SOX5: variants seen among roughly 807,000 people sequenced by gnomAD.
The protein encoded by SOX5 is transcription factor SOX-5.
In SOX5, 9 loss-of-function variants were observed where a neutral mutation model predicts 92.0. The observed-to-expected ratio is 0.10, with a 90% CI of 0.06 to 0.17. The LOEUF is 0.17. Among genes scored for constraint, SOX5 ranks in the 10% least tolerant of loss-of-function variants. The probability of loss-of-function intolerance (pLI) is 1.00; values close to 1 mark genes in which losing one functional copy is unlikely to be tolerated. For missense variants in SOX5, 642 were observed against 944.5 expected (o/e 0.68, Z 4.20); for synonymous variants, 344 against 336.3 (o/e 1.02, Z -0.25).
chr12:24,299,143 T>C (rs1371127671), intron 2 of SOX5, among the ~76,000 whole-genome samples: 1 of 152,190 alleles, frequency 6.6e-6, no homozygotes, highest in Non-Finnish European at 1.5e-5. Context: ...AGAGCTACAA[T>C]GTTAACTCTT....
chr12:23,811,308 C>A (rs747282031), intron 3 of SOX5, among the ~76,000 whole-genome samples: 29 of 152,178 alleles, frequency 1.9e-4, no homozygotes, highest in Admixed American at 7.2e-4. Flanking sequence ...AAAATATGTT[C>A]CCAGATTGCA....
chr12:23,649,583 CA>C (rs2081297575), intron 7 of SOX5, among the ~76,000 whole-genome samples: 1 of 152,024 alleles, frequency 6.6e-6, no homozygotes, highest in East Asian at 1.9e-4. Flanking sequence ...CAAGACCAAG[CA>C]TGGAAATTCT....
chr12:23,710,411 C>T (rs1416540397), intron 6 of SOX5, among the ~76,000 whole-genome samples: 5 of 152,052 alleles, frequency 3.3e-5, no homozygotes, highest in African/African-American at 4.8e-5. Context: ...CCACAACAGG[C>T]CCCGGTGTGT....
chr12:23,787,225 CA>C (rs2095396405), intron 3 of SOX5, among the ~76,000 whole-genome samples: 1 of 151,888 alleles, frequency 6.6e-6, no homozygotes, highest in Non-Finnish European at 1.5e-5. Context: ...ACTGATAAAA[CA>C]AGCATTTAGG....
Position 24,142,201 on chromosome 12 carries a change from G to A in SOX5, c.-2+71142C>T, listed in dbSNP as rs535254885. On this transcript the variant is annotated intron_variant, in intron 4 of 4. Transcript: ENST00000446891. ...CAGGTGCTCACTAGTATGGGGTAGA[G>A]AGAAAAGAAACCAAGGAGATTGGGG... is the stretch of plus-strand genomic sequence containing the variant. Among the ~76,000 whole-genome samples, 38 of 152,246 alleles carry A rather than the reference G, an allele frequency of 2.5e-4. 1 individual carries two copies. In the South Asian group the frequency reaches 7.3e-3, roughly 29 times the overall value.
intron 3 of SOX5, among the ~76,000 whole-genome samples, chr12:24,261,973 A>G (rs1228115994): frequency 1.3e-5 from 2 of 152,216 alleles, no homozygotes; most frequent in African/African-American, 4.8e-5. Context: ...TGGTAAATAT[A>G]TTCCATAAAT....
chr12:23,578,160 C>CAAAAAAA, intron 9 of SOX5, among the ~76,000 whole-genome samples: 1 of 86,532 alleles, frequency 1.2e-5, no homozygotes, highest in African/African-American at 4.2e-5. Context: ...ACTATAGGGG[C>CAAAAAAA]AATATTATCC....
intron 4 of SOX5, among the ~76,000 whole-genome samples, chr12:24,042,864 G>T (rs12300845): frequency 0.043 from 6,510 of 152,176 alleles, 191 homozygotes; most frequent in Middle Eastern, 0.085. Flanking sequence ...GCTGGCATTT[G>T]CAATTCCTTA....
intron 7 of SOX5, among the ~76,000 whole-genome samples, chr12:23,644,504 G>A (rs1233036461): frequency 6.6e-6 from 1 of 152,196 alleles, no homozygotes; most frequent in African/African-American, 2.4e-5. Flanking sequence ...ATTTGTATGT[G>A]TATTAGAGTT....
At chr12:23,737,772 C>T (rs781225877) in intron 5 of SOX5, among the ~76,000 whole-genome samples, 7 of 152,146 alleles carry the variant, frequency 4.6e-5, no homozygotes, top group African/African-American at 7.2e-5. Context: ...GATATTCCTG[C>T]TTCTGGGCCT....
At chr12:23,998,124 C>G (rs913193089) in intron 4 of SOX5, among the ~76,000 whole-genome samples, 1 of 152,068 alleles carries the variant, frequency 6.6e-6, no homozygotes, top group African/African-American at 2.4e-5. Flanking sequence ...AGGTGTCAGA[C>G]TTGCCTAACA....
intron 3 of SOX5, among the ~76,000 whole-genome samples, chr12:24,265,758 C>A (rs553772033): frequency 4.7e-4 from 71 of 152,282 alleles, no homozygotes; most frequent in African/African-American, 1.7e-3. Context: ...TTGTTCTATG[C>A]ATGCATGTGC....
At chr12:24,095,993 A>G in intron 4 of SOX5, among the ~76,000 whole-genome samples, 1 of 152,194 alleles carries the variant, frequency 6.6e-6, no homozygotes, top group East Asian at 1.9e-4. Flanking sequence ...ATGAAAATGG[A>G]CTAATACAAA....
chr12:24,508,271 T>C (rs1045121047), intron 1 of SOX5, among the ~76,000 whole-genome samples: 1 of 151,786 alleles, frequency 6.6e-6, no homozygotes, highest in Non-Finnish European at 1.5e-5. Context: ...AGAAGCTCAG[T>C]GAGAAGCCTA....
chr12:23,682,981 T>C (rs1428417340), intron 6 of SOX5, among the ~76,000 whole-genome samples: 1 of 151,858 alleles, frequency 6.6e-6, no homozygotes, highest in Admixed American at 6.6e-5. Flanking sequence ...TAAATATGTA[T>C]CATAAAGGCA....
chr12:24,183,843 T>C (rs1565608385), intron 4 of SOX5, among the ~76,000 whole-genome samples: 1 of 152,192 alleles, frequency 6.6e-6, no homozygotes, highest in Non-Finnish European at 1.5e-5. Flanking sequence ...GTAATTTAAC[T>C]TCTGTGCTGA....
chr12:24,395,395 G>C (rs1959657925), intron 1 of SOX5, among the ~76,000 whole-genome samples: 1 of 152,168 alleles, frequency 6.6e-6, no homozygotes, highest in Admixed American at 6.5e-5. Flanking sequence ...GTGGTGATTT[G>C]ACAGAAATAA....
chr12:24,514,811 C>A (rs943740905), intron 1 of SOX5, among the ~76,000 whole-genome samples: 1 of 152,106 alleles, frequency 6.6e-6, no homozygotes, highest in Non-Finnish European at 1.5e-5. Flanking sequence ...AACAGAAAAT[C>A]AAATATCGCG....
chr12:23,576,914 T>C (rs925829142), intron 9 of SOX5, among the ~76,000 whole-genome samples: 11 of 151,596 alleles, frequency 7.3e-5, no homozygotes, highest in Non-Finnish European at 1.2e-4. Context: ...AAAAATTTAG[T>C]TTCCACGTAG....
Sources: gnomAD v4.1 joint callset for allele counts (sites outside exome capture counted in the v4.1 genomes callset) on GRCh38, gnomAD v4.1.1 for gene constraint, MANE v1.5 for transcripts, NCBI Gene and HGNC (gene_info 2026-07-23, HGNC 2026-07-21) for gene names.